The following ZNF251 variants were observed in gnomAD, a reference collection of about 807,000 sequenced individuals.
ZNF251 encodes zinc finger protein 251.
Under a neutral mutation model 13.5 loss-of-function variants are expected in ZNF251, and 14 were observed. The ratio of observed to expected loss-of-function variants is 1.04; its 90% CI spans 0.69 to 1.63. The LOEUF is 1.63. ZNF251 is among the 40% of genes most tolerant of loss of function. The pLI is 0.00. For synonymous variants in ZNF251, 287 were observed against 295.2 expected, an observed-to-expected ratio of 0.97 and a Z score of 0.28; for missense variants, 764 against 834.9, an observed-to-expected ratio of 0.92 and a Z score of 1.05.
Position 144,755,437 on chromosome 8 carries a change from A to AGCGCCGAGGAGCTGCGCAGTC in ZNF251, c.-129_-109dup. 7.8e-7 allele frequency: 1 copy of AGCGCCGAGGAGCTGCGCAGTC among 1,288,034 alleles called. No individual in the cohort carries two copies. Among genetic ancestry groups the AGCGCCGAGGAGCTGCGCAGTC allele is most frequent in the Non-Finnish European group, 1.0e-6 (1 of 988,788 alleles). 79.8% of individuals were successfully genotyped at this position (1,288,034 alleles called of 1,614,324 possible). A position where few individuals can be genotyped will look rare whatever the true frequency, so the allele number is the denominator to read the frequency against. On this transcript the variant is annotated 5_prime_UTR_variant, in exon 1 of 5. Coordinates refer to ENST00000292562, the MANE Select transcript of ZNF251 (RefSeq NM_138367.2). ...CTCGACCCGGGGAAGCCACCGAGGA[A>AGCGCCGAGGAGCTGCGCAGTC]GCGCCGAGGAGCTGCGCAGTCGCAC... is the stretch of plus-strand genomic sequence containing the variant.
intron 4 of ZNF251, among the ~76,000 whole-genome samples, chr8:144,726,178 C>CAG (rs1265008502): frequency 4.4e-5 from 5 of 113,176 alleles, no homozygotes; most frequent in African/African-American, 7.2e-5. Context: ...GCCTGGGCGA[C>CAG]AGCGAGACTC....
intron 4 of ZNF251, among the ~76,000 whole-genome samples, chr8:144,743,252 CAG>C (rs1824252983): frequency 6.6e-6 from 1 of 152,094 alleles, no homozygotes; most frequent in South Asian, 2.1e-4. Context: ...TTAGTAGAGA[CAG>C]AGTTTCATCA....
intron 4 of ZNF251, among the ~76,000 whole-genome samples, chr8:144,740,804 G>C (rs1245385987): frequency 6.6e-6 from 1 of 151,016 alleles, no homozygotes; most frequent in Non-Finnish European, 1.5e-5. Flanking sequence ...GTGGTGGCAG[G>C]TGCCTGTAAT....
At chr8:144,737,131 C>T (rs1438450481) in intron 4 of ZNF251, among the ~76,000 whole-genome samples, 2 of 151,778 alleles carry the variant, frequency 1.3e-5, no homozygotes, top group South Asian at 2.1e-4. Context: ...GACAGTCTTG[C>T]TCTGTTGCCC....
At chr8:144,752,144 A>AG (rs1824727938) in intron 4 of ZNF251, among the ~76,000 whole-genome samples, 1 of 151,596 alleles carries the variant, frequency 6.6e-6, no homozygotes, top group Non-Finnish European at 1.5e-5. Context: ...CCAAAAAAAA[A>AG]AAAAAAAAAA....
intron 4 of ZNF251, among the ~76,000 whole-genome samples, chr8:144,736,413 A>G (rs1206478025): frequency 6.6e-6 from 1 of 152,114 alleles, no homozygotes; most frequent in African/African-American, 2.4e-5. Flanking sequence ...TTTTAAAATA[A>G]AGGGAATCAC....
chr8:144,735,067 C>T (rs1393568428), intron 4 of ZNF251, among the ~76,000 whole-genome samples: 3 of 146,246 alleles, frequency 2.1e-5, no homozygotes, highest in South Asian at 2.2e-4. Flanking sequence ...AGCAAGACTC[C>T]GTCTCAAAAA....
rs1334677237 is a variant in ZNF251 at position 144,722,600 on chromosome 8, A to G, written c.1060T>C (p.Cys354Arg). 6.2e-7 allele frequency: 1 copy of G among 1,614,036 alleles called. No homozygotes were observed. Among genetic ancestry groups the G allele is most frequent in the Non-Finnish European group, 8.5e-7 (1 of 1,180,006 alleles). ...TGEKPHECSH[C>R]GKAFSRSSSL... is the part of the protein sequence containing the mutation. ...GAGCTTCGACTGAAGGCCTTCCCAC[A>G]GTGACTGCATTCATGCGGCTTCTCT... Residue 354 changes from cysteine to arginine, a missense_variant, in exon 5 of 5, where the codon TGT becomes CGT. Coordinates refer to ENST00000292562, the MANE Select transcript of ZNF251 (RefSeq NM_138367.2). The surrounding 1 kb of genome is among the most constrained non-coding windows in gnomAD (Gnocchi z 4.8).
rs553702672 is a variant in ZNF251 at position 144,731,613 on chromosome 8, G to C, written c.278-8231C>G. ...TGTTATCTATGCATTTTGAGACAGAGTCTTGCTCTATTGCCCAGGCTGGAG... is the reference window on the plus strand; with the variant it reads ...TGTTATCTATGCATTTTGAGACAGACTCTTGCTCTATTGCCCAGGCTGGAG... On this transcript the variant is annotated intron_variant, in intron 4 of 4. Transcript: ENST00000292562. Among the ~76,000 whole-genome samples the C allele has an allele frequency of 3.3e-5, 5 of 152,380 alleles. No homozygotes were observed. The East Asian group carries it at 9.6e-4, about 29-fold the overall frequency.
chr8:144,748,664 G>A (rs1284181514), intron 4 of ZNF251, among the ~76,000 whole-genome samples: 3 of 152,016 alleles, frequency 2.0e-5, no homozygotes, highest in South Asian at 2.1e-4. Context: ...GGGCTCAAGC[G>A]ATCCTACCAC....
Position 144,753,666 on chromosome 8 carries a change from A to T in ZNF251, c.277+17T>A. 6.5e-7 allele frequency: 1 copy of T among 1,547,018 alleles called. No individual in the cohort carries two copies. The highest frequency in any genetic ancestry group is 1.9e-5 in the Admixed American group (1 of 51,768). On this transcript the variant is annotated intron_variant, in intron 4 of 4. Coordinates refer to ENST00000292562, the MANE Select transcript of ZNF251 (RefSeq NM_138367.2). ...TTGGGAGGCTGCTCCCAGGATTAGCATCCCATCCATTCTCACCTTTCTGGC... is the reference window on the plus strand; with the variant it reads ...TTGGGAGGCTGCTCCCAGGATTAGCTTCCCATCCATTCTCACCTTTCTGGC...
intron 4 of ZNF251, among the ~76,000 whole-genome samples, chr8:144,732,423 T>G (rs886614466): frequency 1.3e-5 from 2 of 152,154 alleles, no homozygotes; most frequent in East Asian, 3.8e-4. Context: ...TTCCATAACA[T>G]GCTGGGGGAA....
intron 4 of ZNF251, among the ~76,000 whole-genome samples, chr8:144,736,619 G>C (rs1823906808): frequency 1.3e-5 from 2 of 151,944 alleles, no homozygotes; most frequent in South Asian, 4.1e-4. Flanking sequence ...AGCCTCCCAA[G>C]TAGCTGGGAT....
At chr8:144,736,792 T>C (rs1168757600) in intron 4 of ZNF251, among the ~76,000 whole-genome samples, 1 of 151,534 alleles carries the variant, frequency 6.6e-6, no homozygotes, top group African/African-American at 2.4e-5. Context: ...GTGCCCGGCC[T>C]ACTTTATTAT....
intron 4 of ZNF251, among the ~76,000 whole-genome samples, chr8:144,746,203 T>C (rs1314540646): frequency 3.9e-5 from 6 of 152,236 alleles, no homozygotes; most frequent in Non-Finnish European, 1.5e-5. Context: ...TGAATCGAGG[T>C]TGGATTTTGT....
intron 4 of ZNF251, among the ~76,000 whole-genome samples, chr8:144,742,307 G>A (rs892921688): frequency 6.6e-6 from 1 of 152,046 alleles, no homozygotes; most frequent in Non-Finnish European, 1.5e-5. Context: ...AAGGTCTTTG[G>A]GCTGAAGGGA....
At chr8:144,726,739 A>G (rs1823529039) in intron 4 of ZNF251, among the ~76,000 whole-genome samples, 3 of 150,982 alleles carry the variant, frequency 2.0e-5, no homozygotes, top group South Asian at 2.1e-4. Context: ...GCGCGGTGGC[A>G]GGTGCCTGTA....
At chr8:144,745,861 T>C (rs1306896374) in intron 4 of ZNF251, among the ~76,000 whole-genome samples, 3 of 152,130 alleles carry the variant, frequency 2.0e-5, no homozygotes, top group South Asian at 4.1e-4. Context: ...GAGACTGTGA[T>C]TGAGATTGTG....
At chr8:144,738,840 T>G in intron 4 of ZNF251, 1 of 984,798 alleles carries the variant, frequency 1.0e-6, no homozygotes, top group Non-Finnish European at 1.2e-6. Flanking sequence ...ATGGTTTTCT[T>G]GTTCAAGGCA....
Sources: gnomAD v4.1 joint callset for allele counts (sites outside exome capture counted in the v4.1 genomes callset) on GRCh38, gnomAD v4.1.1 for gene constraint, Gnocchi (gnomAD v3.1) non-coding constraint, MANE v1.5 for transcripts, NCBI Gene and HGNC (gene_info 2026-07-23, HGNC 2026-07-21) for gene names.